Variants in CACNB2 observed in about 807,000 individuals in gnomAD.
CACNB2 encodes the protein calcium voltage-gated channel auxiliary subunit beta 2, also known as voltage-dependent L-type calcium channel subunit beta-2.
CACNB2 carries 42 observed loss-of-function variants against 73.3 expected under a neutral mutation model. The observed-to-expected ratio is 0.57, with a 90% CI of 0.45 to 0.74. CACNB2 has a LOEUF of 0.74. CACNB2 is among the 30% of genes least tolerant of loss of function. The pLI, the probability that CACNB2 is intolerant of heterozygous loss-of-function variation, is 0.00. For missense variants in CACNB2, 940 were observed against 853.0 expected (o/e 1.10, Z -1.27); for synonymous variants, 348 against 310.3 (o/e 1.12, Z -1.28).
chr10:18,527,736 C>T (rs759975129), intron 10 of CACNB2, 39 bp downstream of exon 10: 9 of 1,249,958 alleles, frequency 7.2e-6, no homozygotes, highest in Admixed American at 3.4e-5. Flanking sequence ...TTAAACTCTC[C>T]TCTCCCGATG....
chr10:18,147,691 C>A (rs911618479), intron 1 of CACNB2, among the ~76,000 whole-genome samples: 2 of 151,864 alleles, frequency 1.3e-5, no homozygotes, highest in Admixed American at 1.3e-4. Flanking sequence ...CTTGAAGTAG[C>A]AAATTAACTA....
intron 2 of CACNB2, among the ~76,000 whole-genome samples, chr10:18,391,945 A>T (rs1199957525): frequency 6.7e-6 from 1 of 149,692 alleles, no homozygotes; most frequent in Non-Finnish European, 1.5e-5. Flanking sequence ...AAAAAAAAAA[A>T]GAAGGTAAAA....
chr10:18,501,520 C>T (rs1333842832), intron 5 of CACNB2, among the ~76,000 whole-genome samples: 4 of 152,180 alleles, frequency 2.6e-5, no homozygotes. Context: ...GCTGAATAAT[C>T]CCTCCTAGGA....
intron 2 of CACNB2, among the ~76,000 whole-genome samples, chr10:18,268,816 A>G (rs1309890412): frequency 1.3e-5 from 2 of 152,232 alleles, no homozygotes; most frequent in Admixed American, 1.3e-4. Context: ...CCTCACTAGA[A>G]AACACTCAAC....
intron 2 of CACNB2, among the ~76,000 whole-genome samples, chr10:18,324,425 ATACT>A (rs2040505915): frequency 6.6e-6 from 1 of 152,260 alleles, no homozygotes; most frequent in African/African-American, 2.4e-5. Flanking sequence ...CCAGTCGCAA[ATACT>A]TACAGAATGA....
intron 2 of CACNB2, among the ~76,000 whole-genome samples, chr10:18,309,848 T>G (rs2131879683): frequency 6.6e-6 from 1 of 152,338 alleles, no homozygotes; most frequent in Middle Eastern, 3.4e-3. Context: ...GAGGAAGGTG[T>G]GTGTTTTCAA....
chr10:18,523,825 A>G (rs1249641509), intron 9 of CACNB2, among the ~76,000 whole-genome samples: 1 of 152,268 alleles, frequency 6.6e-6, no homozygotes, highest in Admixed American at 6.5e-5. Flanking sequence ...CTATTAAATA[A>G]GCTAAGTTTA....
intron 2 of CACNB2, among the ~76,000 whole-genome samples, chr10:18,388,279 G>C (rs553365514): frequency 6.6e-6 from 1 of 152,108 alleles, no homozygotes; most frequent in Non-Finnish European, 1.5e-5. Flanking sequence ...TTTATTAAAC[G>C]TTCTGAATAT....
At chr10:18,220,723 G>A (rs76269973) in intron 2 of CACNB2, among the ~76,000 whole-genome samples, 8,820 of 152,200 alleles carry the variant, frequency 0.058, 275 homozygotes, top group East Asian at 0.094. Flanking sequence ...TAGATCAGCA[G>A]CAGCATCAGA....
At chr10:18,306,552 A>T (rs1037116284) in intron 2 of CACNB2, among the ~76,000 whole-genome samples, 6 of 152,216 alleles carry the variant, frequency 3.9e-5, no homozygotes, top group African/African-American at 1.2e-4. Context: ...GAGAAAGAAG[A>T]GTCTATTGTA....
At chr10:18,539,204 G>A (rs369426925) in intron 13 of CACNB2, 26 bp from the exon 14 acceptor site, 18 of 1,613,622 alleles carry the variant, frequency 1.1e-5, no homozygotes, top group African/African-American at 4.0e-5. Context: ...CTTGGTTAAC[G>A]CCTGGTGTGC....
chr10:18,145,519 T>C (rs1020290358), intron 1 of CACNB2, among the ~76,000 whole-genome samples: 23 of 152,234 alleles, frequency 1.5e-4, no homozygotes, highest in Admixed American at 1.5e-3. Flanking sequence ...TGAGGTTTTG[T>C]TGTTCTTACA....
intron 10 of CACNB2, among the ~76,000 whole-genome samples, chr10:18,530,076 G>C (rs558707600): frequency 6.6e-6 from 1 of 152,210 alleles, no homozygotes; most frequent in African/African-American, 2.4e-5. Flanking sequence ...ACTATCAGGA[G>C]AACTACATGG....
intron 2 of CACNB2, among the ~76,000 whole-genome samples, chr10:18,312,104 G>C (rs1170156294): frequency 2.6e-5 from 4 of 152,116 alleles, no homozygotes; most frequent in Non-Finnish European, 5.9e-5. Context: ...CTGACTAACA[G>C]AAATTTCCCA....
chr10:18,168,497 T>TGTGTG (rs2033017075), intron 2 of CACNB2, among the ~76,000 whole-genome samples: 2 of 149,822 alleles, frequency 1.3e-5, no homozygotes, highest in African/African-American at 2.5e-5. Flanking sequence ...TCTTCCTTCT[T>TGTGTG]TGTGTGTGTG....
intron 3 of CACNB2, among the ~76,000 whole-genome samples, chr10:18,464,417 T>TTAAAATAAAAAAAAAA (rs1243403682): frequency 5.4e-5 from 1 of 18,582 alleles, no homozygotes; most frequent in Non-Finnish European, 1.4e-4. Flanking sequence ...GTCTCAAAAA[T>TTAAAATAAAAAAAAAA]TAAAAAAAAA....
intron 2 of CACNB2, among the ~76,000 whole-genome samples, chr10:18,397,109 A>G (rs150669217): frequency 9.4e-4 from 143 of 152,346 alleles, no homozygotes; most frequent in African/African-American, 3.2e-3. Flanking sequence ...GAAAATATAG[A>G]TGACTGTGAA....
chr10:18,289,571 G>T (rs2038973963), intron 2 of CACNB2, among the ~76,000 whole-genome samples: 2 of 152,020 alleles, frequency 1.3e-5, no homozygotes, highest in Admixed American at 6.5e-5. Context: ...TGGGATTACA[G>T]GCATGAGCCA....
chr10:18,174,828 A>G lies in CACNB2; in HGVS notation c.213+23853A>G, dbSNP rs570021136. 4.1e-4 allele frequency among the ~76,000 whole-genome samples: 62 copies of G among 152,314 alleles called. No individual in the cohort carries two copies. The South Asian group carries it at 0.013, about 31-fold the overall frequency. The stretch of plus-strand genomic sequence containing the variant: ...ATTTAAATACAATTCAGATTTCTAG[A>G]GTATTACCTTTACAGTTTTCCCTCA... On this transcript the variant is annotated intron_variant, in intron 2 of 13. Coordinates refer to ENST00000324631, the MANE Select transcript of CACNB2 (RefSeq NM_201596.3).
Sources: gnomAD v4.1 joint callset for allele counts (sites outside exome capture counted in the v4.1 genomes callset) on GRCh38, gnomAD v4.1.1 for gene constraint, MANE v1.5 for transcripts, NCBI Gene and HGNC (gene_info 2026-07-23, HGNC 2026-07-21) for gene names.